The following UBE3D variants were observed in gnomAD, a reference collection of about 807,000 sequenced individuals.
UBE3D encodes the protein E3 ubiquitin-protein ligase E3D.
Under a neutral mutation model 49.6 loss-of-function variants are expected in UBE3D, and 48 were observed. The ratio of observed to expected loss-of-function variants is 0.97; its 90% confidence interval spans 0.77 to 1.23. UBE3D has a LOEUF of 1.23. Among genes scored for constraint, UBE3D ranks in the 50% most tolerant of loss-of-function variants. UBE3D has a pLI of 0.00. For synonymous variants in UBE3D, 189 were observed against 174.2 expected (o/e 1.08, Z -0.67); for missense variants, 452 against 468.4 (o/e 0.96, Z 0.32).
rs987952919 is a variant in UBE3D at position 83,029,944 on chromosome 6, G to A, written c.668-5906C>T. Among the ~76,000 whole-genome samples the A allele has an allele frequency of 5.3e-5, 8 of 152,082 alleles. No homozygotes were observed. In the South Asian group the frequency reaches 1.2e-3, roughly 24 times the overall value. ...ACCTCAAGCCAGTAAGGCTTCTTACGAAAATTACCTTCTGCTACCCAAGTT... is the reference window on the plus strand; with the variant it reads ...ACCTCAAGCCAGTAAGGCTTCTTACAAAAATTACCTTCTGCTACCCAAGTT... On this transcript the variant is annotated intron_variant, in intron 5 of 9. Coordinates refer to ENST00000369747, the MANE Select transcript of UBE3D (RefSeq NM_198920.3).
chr6:82,928,319 A>T (rs968636378), intron 9 of UBE3D, among the ~76,000 whole-genome samples: 21 of 152,232 alleles, frequency 1.4e-4, no homozygotes, highest in Middle Eastern at 3.4e-3. Flanking sequence ...CAAGCCAACA[A>T]GTCTCTCAGG....
At chr6:83,041,970 T>G (rs1288739553) in intron 4 of UBE3D, among the ~76,000 whole-genome samples, 1 of 152,036 alleles carries the variant, frequency 6.6e-6, no homozygotes, top group Non-Finnish European at 1.5e-5. Flanking sequence ...AGTGCAGTGG[T>G]GCAATCTTGG....
intron 8 of UBE3D, among the ~76,000 whole-genome samples, chr6:83,010,044 T>C (rs1344827981): frequency 2.0e-5 from 3 of 151,780 alleles, no homozygotes; most frequent in African/African-American, 7.3e-5. Flanking sequence ...TCACAAAGGA[T>C]CCAACATAGG....
intron 4 of UBE3D, among the ~76,000 whole-genome samples, chr6:83,042,993 T>A (rs1474681749): frequency 6.6e-6 from 1 of 152,228 alleles, no homozygotes; most frequent in Non-Finnish European, 1.5e-5. Context: ...AAGAAAATCT[T>A]TTCAACAGCA....
chr6:82,989,686 C>A (rs946902389), intron 8 of UBE3D, among the ~76,000 whole-genome samples: 12 of 152,264 alleles, frequency 7.9e-5, no homozygotes, highest in African/African-American at 2.9e-4. Context: ...TACCCCTGAT[C>A]TAAAGCAATT....
chr6:82,994,090 A>T (rs1470805591), intron 8 of UBE3D, among the ~76,000 whole-genome samples: 1 of 152,232 alleles, frequency 6.6e-6, no homozygotes, highest in Non-Finnish European at 1.5e-5. Flanking sequence ...AGGGCCTAAA[A>T]TAAACTTCTA....
At chr6:83,030,595 G>A (rs1406587914) in intron 5 of UBE3D, among the ~76,000 whole-genome samples, 1 of 152,158 alleles carries the variant, frequency 6.6e-6, no homozygotes, top group African/African-American at 2.4e-5. Context: ...GACTAATACA[G>A]TAAATTGGTA....
At chr6:82,970,854 A>G (rs1302128770) in intron 8 of UBE3D, among the ~76,000 whole-genome samples, 2 of 152,004 alleles carry the variant, frequency 1.3e-5, no homozygotes, top group Non-Finnish European at 2.9e-5. Flanking sequence ...AAAAAACAAA[A>G]ACAAAAACAA....
intron 9 of UBE3D, among the ~76,000 whole-genome samples, chr6:82,917,586 T>G (rs140648729): frequency 7.9e-5 from 12 of 152,232 alleles, no homozygotes; most frequent in South Asian, 6.2e-4. Context: ...CCTGGGGTGA[T>G]TGTAATGAGC....
At chr6:82,985,505 G>C (rs1312465345) in intron 8 of UBE3D, among the ~76,000 whole-genome samples, 1 of 152,084 alleles carries the variant, frequency 6.6e-6, no homozygotes, top group Non-Finnish European at 1.5e-5. Flanking sequence ...TTGGACTACA[G>C]GCATATGCCA....
intron 5 of UBE3D, among the ~76,000 whole-genome samples, chr6:83,024,842 T>C (rs1275473405): frequency 6.6e-6 from 1 of 152,132 alleles, no homozygotes; most frequent in African/African-American, 2.4e-5. Context: ...AGATTAACGG[T>C]ATAAATTTCA....
At chr6:82,974,745 G>A (rs1306165860) in intron 8 of UBE3D, among the ~76,000 whole-genome samples, 4 of 149,820 alleles carry the variant, frequency 2.7e-5, no homozygotes, top group Non-Finnish European at 5.9e-5. Context: ...GCTGTGAAAG[G>A]TAGTTAAGCA....
Position 82,970,410 on chromosome 6 carries a change from C to G in UBE3D, c.1011-12960G>C, listed in dbSNP as rs73478986. Among the ~76,000 whole-genome samples the G allele has an allele frequency of 8.3e-3, 1,264 of 151,902 alleles. 22 individuals are homozygous for G. Among genetic ancestry groups the G allele is most frequent in the African/African-American group, 0.029 (1,199 of 41,454 alleles). On this transcript the variant is annotated intron_variant, in intron 8 of 9. Coordinates refer to ENST00000369747, the MANE Select transcript of UBE3D (RefSeq NM_198920.3). Reference sequence around the variant, plus strand: ...TAAATCACAGGCAGAGGGCAGAAAACCTTATTGACAGAAAGAACCTCTATG... The same window carrying G: ...TAAATCACAGGCAGAGGGCAGAAAAGCTTATTGACAGAAAGAACCTCTATG...
chr6:82,931,850 C>T (rs908085359), intron 9 of UBE3D, among the ~76,000 whole-genome samples: 5 of 151,904 alleles, frequency 3.3e-5, no homozygotes, highest in South Asian at 2.1e-4. Context: ...TGGGAGGGGC[C>T]GGGGTGAAAA....
chr6:83,012,547 T>G lies in UBE3D; in HGVS notation c.1010+6426A>C, dbSNP rs748713355. 3.2e-4 allele frequency among the ~76,000 whole-genome samples: 48 copies of G among 152,292 alleles called. No individual in the cohort carries two copies. The Middle Eastern group carries it at 0.01, about 32-fold the overall frequency. On this transcript the variant is annotated intron_variant, in intron 8 of 9. Transcript: ENST00000369747. ...GGTGGCTGGGGAAAGAGGCTGAGAATGAGTTGTCCTATCCACTTGATTATT... is the reference window on the plus strand; with the variant it reads ...GGTGGCTGGGGAAAGAGGCTGAGAAGGAGTTGTCCTATCCACTTGATTATT...
chr6:82,961,951 CA>C (rs151060917), intron 8 of UBE3D, among the ~76,000 whole-genome samples: 22,754 of 134,436 alleles, frequency 0.17, 1,776 homozygotes, highest in African/African-American at 0.19. Context: ...AACAATAAAA[CA>C]AAAAAAAAAA....
chr6:82,889,693 A>G (rs971785778), downstream of UBE3D, among the ~76,000 whole-genome samples: 1 of 152,122 alleles, frequency 6.6e-6, no homozygotes, highest in Non-Finnish European at 1.5e-5. Context: ...TATATATAGT[A>G]ATTTTATGAT....
intron 9 of UBE3D, among the ~76,000 whole-genome samples, chr6:82,916,217 A>G (rs979429631): frequency 6.6e-6 from 1 of 152,126 alleles, no homozygotes; most frequent in African/African-American, 2.4e-5. Context: ...CACCTGTCCA[A>G]TTTCTAGGCC....
rs565683070 is a variant in UBE3D, at chr6:82,989,782, AAATACACATC to A, written c.1010+29181_1010+29190del. ...AGCCCAATTCAATCCCATCTTCAAA[AAATACACATC>A]AATTACTTATATGTAAGCCCTGCTT... On this transcript the variant is annotated intron_variant, in intron 8 of 9. Transcript: ENST00000369747. Among the ~76,000 whole-genome samples the A allele has an allele frequency of 2.1e-3, 327 of 152,244 alleles. 1 individual carries two copies. Among genetic ancestry groups the A allele is most frequent in the African/African-American group, 7.2e-3 (301 of 41,540 alleles).
Sources: allele counts gnomAD v4.1 joint callset (sites outside exome capture counted in the v4.1 genomes callset), GRCh38; gene constraint gnomAD v4.1.1; transcripts MANE v1.5; gene names NCBI Gene and HGNC (gene_info 2026-07-23, HGNC 2026-07-21).